Variants in CDH13 observed in about 807,000 individuals in gnomAD.
The protein encoded by CDH13 is cadherin-13.
A neutral mutation model predicts 63.8 loss-of-function variants in CDH13; 24 were observed. The ratio of observed to expected loss-of-function variants is 0.38; its 90% CI spans 0.27 to 0.53. CDH13 has a LOEUF of 0.53. Ranked by LOEUF, CDH13 falls within the 20% of genes least tolerant of loss-of-function variation. The pLI is 0.85. For synonymous variants in CDH13, 503 were observed against 355.3 expected, an observed-to-expected ratio of 1.42 and a Z score of -4.67; for missense variants, 1,049 against 903.1, an observed-to-expected ratio of 1.16 and a Z score of -2.07.
At chr16:83,708,986 T>G (rs1473380817) in intron 10 of CDH13, among the ~76,000 whole-genome samples, 1 of 152,186 alleles carries the variant, frequency 6.6e-6, no homozygotes, top group African/African-American at 2.4e-5. Flanking sequence ...ATCATGCCAC[T>G]GCCCTCTAGT....
intron 5 of CDH13, among the ~76,000 whole-genome samples, chr16:83,289,908 G>A (rs1162465870): frequency 2.0e-5 from 3 of 152,104 alleles, no homozygotes; most frequent in African/African-American, 4.8e-5. Context: ...TTAACCAAGT[G>A]ATCCCACCTC....
intron 3 of CDH13, among the ~76,000 whole-genome samples, chr16:83,059,014 C>T (rs988883714): frequency 6.6e-6 from 1 of 152,058 alleles, no homozygotes; most frequent in Admixed American, 6.5e-5. Context: ...GTTGGAGATT[C>T]CCGGGAAGAA....
chr16:83,081,055 A>G (rs1047645882), intron 3 of CDH13, among the ~76,000 whole-genome samples: 1 of 150,972 alleles, frequency 6.6e-6, no homozygotes, highest in Non-Finnish European at 1.5e-5. Flanking sequence ...CTAATTTTTT[A>G]TTTTTAGTAC....
intron 4 of CDH13, among the ~76,000 whole-genome samples, chr16:83,198,449 G>A (rs1201035992): frequency 6.6e-6 from 1 of 152,106 alleles, no homozygotes; most frequent in African/African-American, 2.4e-5. Flanking sequence ...TTTTGTTAGT[G>A]GATGGACCAG....
rs557723684 is a variant in CDH13, at chr16:83,379,697, A to G, written c.781+34691A>G. Among the ~76,000 whole-genome samples, 314 of 152,244 alleles carry G rather than the reference A, an allele frequency of 2.1e-3. 1 individual carries two copies. The highest frequency in any genetic ancestry group is 7.1e-3 in the African/African-American group (296 of 41,536). On this transcript the variant is annotated intron_variant, in intron 6 of 13. Transcript: ENST00000567109. ...GAAAACCAGCTCACATCTGTGCACA[A>G]GGAGACACACAGTTGTTCATTACTG...
At chr16:83,497,655 T>C (rs1011505480) in intron 7 of CDH13, among the ~76,000 whole-genome samples, 1 of 146,224 alleles carries the variant, frequency 6.8e-6, no homozygotes, top group African/African-American at 2.5e-5. Context: ...AAAACTTTAA[T>C]AAAAAAAAAA....
intron 13 of CDH13, among the ~76,000 whole-genome samples, chr16:83,788,811 C>T (rs1195883235): frequency 6.6e-6 from 1 of 152,150 alleles, no homozygotes; most frequent in Non-Finnish European, 1.5e-5. Context: ...AGTAGGGGCA[C>T]CTGTGTGTAA....
At chr16:82,871,382 T>G (rs2040336391) in intron 2 of CDH13, among the ~76,000 whole-genome samples, 1 of 152,064 alleles carries the variant, frequency 6.6e-6, no homozygotes, top group Admixed American at 6.6e-5. Flanking sequence ...ACAGTTTGTA[T>G]GTATATCAGA....
intron 4 of CDH13, among the ~76,000 whole-genome samples, chr16:83,171,231 G>A (rs975217465): frequency 5.3e-5 from 8 of 152,130 alleles, no homozygotes; most frequent in Non-Finnish European, 1.0e-4. Flanking sequence ...GGGGCATGGC[G>A]GAAACAGGGC....
chr16:83,401,906 C>T (rs941412244), intron 6 of CDH13, among the ~76,000 whole-genome samples: 2 of 152,060 alleles, frequency 1.3e-5, no homozygotes, highest in African/African-American at 2.4e-5. Flanking sequence ...TGAATATATT[C>T]GTTTCAGTCT....
chr16:82,826,747 G>C (rs1186834114), intron 1 of CDH13: 1 of 152,160 alleles, frequency 6.6e-6, no homozygotes, highest in Non-Finnish European at 1.5e-5. Context: ...GTAACTTAGT[G>C]GATTTGCTGG....
chr16:83,779,761 G>A (rs1915389457), intron 11 of CDH13, among the ~76,000 whole-genome samples: 1 of 152,188 alleles, frequency 6.6e-6, no homozygotes, highest in Admixed American at 6.5e-5. Flanking sequence ...GGGATACTGA[G>A]GTGGTAGGAT....
intron 1 of CDH13, among the ~76,000 whole-genome samples, chr16:82,691,587 G>A (rs1250021469): frequency 6.6e-6 from 1 of 152,098 alleles, no homozygotes; most frequent in Non-Finnish European, 1.5e-5. Context: ...TAAACTACCT[G>A]TATCCAGGTC....
At chr16:83,033,623 C>T (rs1312264859) in intron 3 of CDH13, among the ~76,000 whole-genome samples, 1 of 152,146 alleles carries the variant, frequency 6.6e-6, no homozygotes, top group African/African-American at 2.4e-5. Flanking sequence ...TGTTCCCTTC[C>T]ACAGGCACAT....
chr16:83,372,326 G>C (rs960501602), intron 6 of CDH13, among the ~76,000 whole-genome samples: 6 of 152,182 alleles, frequency 3.9e-5, no homozygotes, highest in African/African-American at 1.4e-4. Context: ...CCACTGTGTT[G>C]TATCTCAAAT....
intron 5 of CDH13, among the ~76,000 whole-genome samples, chr16:83,316,234 G>A (rs1047751610): frequency 3.9e-5 from 6 of 152,152 alleles, no homozygotes; most frequent in Non-Finnish European, 7.3e-5. Flanking sequence ...CAAACACGTG[G>A]GGATTACAAT....
chr16:83,712,404 G>A (rs1908201652), intron 10 of CDH13, among the ~76,000 whole-genome samples: 1 of 152,202 alleles, frequency 6.6e-6, no homozygotes, highest in South Asian at 2.1e-4. Flanking sequence ...CCAACAGGAA[G>A]GTTGGAGAAT....
chr16:82,697,420 T>C (rs1256333632), intron 1 of CDH13, among the ~76,000 whole-genome samples: 1 of 96,238 alleles, frequency 1.0e-5, no homozygotes, highest in East Asian at 3.4e-4. Context: ...GCATTTCTTT[T>C]TTCTTTTTTT....
chr16:83,597,819 T>C (rs981830266), intron 7 of CDH13, among the ~76,000 whole-genome samples: 5 of 152,240 alleles, frequency 3.3e-5, no homozygotes, highest in Admixed American at 1.3e-4. Context: ...AAATTATTTA[T>C]AAAATTTGTT....
Sources: allele counts gnomAD v4.1 joint callset (sites outside exome capture counted in the v4.1 genomes callset), GRCh38; gene constraint gnomAD v4.1.1; transcripts MANE v1.5; gene names NCBI Gene and HGNC (gene_info 2026-07-23, HGNC 2026-07-21).